The following ABCB9 variants were observed in gnomAD, a reference collection of about 807,000 sequenced individuals.
ABCB9 encodes ATP binding cassette subfamily B member 9, also known as ABC-type oligopeptide transporter ABCB9.
In ABCB9, 36 loss-of-function variants were observed where a neutral mutation model predicts 62.0. That is an observed-to-expected ratio of 0.58 (90% confidence interval 0.45 to 0.77). ABCB9 has a LOEUF of 0.77. ABCB9 is among the 30% of genes least tolerant of loss of function. ABCB9 has a pLI of 0.00. For missense variants in ABCB9, 943 were observed against 1,054.7 expected (o/e 0.89, Z 1.47); for synonymous variants, 435 against 461.4 (o/e 0.94, Z 0.73).
At chr12:122,923,356 C>T (rs2034798850) in intron 11 of ABCB9, among the ~76,000 whole-genome samples, 1 of 152,182 alleles carries the variant, frequency 6.6e-6, no homozygotes, top group African/African-American at 2.4e-5. Context: ...GGCGCGACCT[C>T]CACGCACTGC....
downstream of ABCB9, among the ~76,000 whole-genome samples, chr12:122,926,100 G>A (rs1255646531): frequency 6.6e-6 from 1 of 152,124 alleles, no homozygotes; most frequent in Non-Finnish European, 1.5e-5. Flanking sequence ...GAATTGGGGA[G>A]TGACTGTTAA....
intron 2 of ABCB9, among the ~76,000 whole-genome samples, chr12:122,956,289 T>C (rs887397770): frequency 3.3e-5 from 5 of 152,160 alleles, no homozygotes; most frequent in Non-Finnish European, 5.9e-5. Flanking sequence ...ACTATGCCCA[T>C]GTCACAGAAG....
intron 2 of ABCB9, among the ~76,000 whole-genome samples, chr12:122,958,502 T>C (rs761398416): frequency 1.8e-4 from 28 of 152,222 alleles, no homozygotes; most frequent in Admixed American, 4.6e-4. Context: ...TCTGGGTCCT[T>C]TTCCTGCAGT....
chr12:122,972,906 T>C (rs1291584642), intron 1 of ABCB9: 28 of 152,220 alleles, frequency 1.8e-4, no homozygotes, highest in Admixed American at 1.8e-3. Context: ...CATACACATA[T>C]ACATACGACT....
In ABCB9 at chr12:122,932,303, C is replaced by A. The variant is rs773334111; in HGVS notation, c.1929G>T (p.Leu643=). 1 of 1,551,230 alleles carries A rather than the reference C, an allele frequency of 6.4e-7. No individual in the cohort carries two copies. The highest frequency in any genetic ancestry group is 8.7e-7 in the Non-Finnish European group (1 of 1,147,024). Residue 643 remains leucine, a synonymous_variant, in exon 11 of 12, where the codon CTG becomes CTT. Coordinates refer to ENST00000280560, the MANE Select transcript of ABCB9 (RefSeq NM_019625.4). This position sits in a 1 kb window ranked among gnomAD's most constrained non-coding sequence, Gnocchi z 4.7. ...STETGEKGAQ[L]SGGQKQRVAM... ...CCACCCGCTGCTTCTGGCCACCTGACAGCTGGGCGCCCTTCTCCCCTGTCT... is the reference window on the plus strand; with the variant it reads ...CCACCCGCTGCTTCTGGCCACCTGAAAGCTGGGCGCCCTTCTCCCCTGTCT...
At chr12:122,949,957 C>A (rs951485498) in intron 3 of ABCB9, 39 bp from the exon 4 acceptor site, 2 of 1,612,312 alleles carry the variant, frequency 1.2e-6, no homozygotes, top group Non-Finnish European at 1.7e-6. Flanking sequence ...CGATGTCCTT[C>A]CAGACCAGTG....
chr12:122,950,743 T>C, intron 2 of ABCB9, 178 bp from the exon 3 acceptor site: 1 of 573,486 alleles, frequency 1.7e-6, no homozygotes, highest in East Asian at 2.8e-5. Context: ...GCCCCCCTCC[T>C]CAGAGAACAG....
Position 122,930,001 on chromosome 12 carries a change from C to G in ABCB9, c.2211G>C (p.Leu737=). 2.5e-6 allele frequency: 4 copies of G among 1,576,568 alleles called. No individual in the cohort carries two copies. The highest frequency in any genetic ancestry group is 3.4e-6 in the Non-Finnish European group (4 of 1,163,296). Reference sequence around the variant, plus strand: ...GAAGCCCCAGCATCTGCCGCTGCACCAGCTTGGCGTAGAGGCCGCCCTGGG... The same window carrying G: ...GAAGCCCCAGCATCTGCCGCTGCACGAGCTTGGCGTAGAGGCCGCCCTGGG... ...LLAQGGLYAK[L]VQRQMLGLQP... The change falls in exon 12 of 12, where the codon CTG becomes CTC. Residue 737 remains leucine (L), a synonymous_variant. Transcript: ENST00000280560. The surrounding 1 kb of genome is among the most constrained non-coding windows in gnomAD (Gnocchi z 4.9).
Position 122,935,351 on chromosome 12 carries a change from A to G in ABCB9, c.1824T>C (p.Pro608=). 6.2e-7 allele frequency: 1 copy of G among 1,614,108 alleles called. No individual in the cohort carries two copies. Among genetic ancestry groups the G allele is most frequent in the Non-Finnish European group, 8.5e-7 (1 of 1,179,998 alleles). The change falls in exon 10 of 12, where the codon CCT becomes CCC. Residue 608 remains proline, a synonymous_variant. Transcript: ENST00000280560. ...GTGCGGCCTCCACCACCATCTCGAA[A>G]GGCACAGTGGGCAGGCCGTAGGAGA... ...DNISYGLPTV[P]FEMVVEAAQK...
At chr12:122,962,031 A>G (rs2036933373) in intron 1 of ABCB9, among the ~76,000 whole-genome samples, 1 of 152,254 alleles carries the variant, frequency 6.6e-6, no homozygotes, top group Admixed American at 6.5e-5. Context: ...ACAGCAATCC[A>G]GAAACCTTGG....
Position 122,930,331 on chromosome 12 carries a change from C to A in ABCB9, c.2041-160G>T, listed in dbSNP as rs892677319. On this transcript the variant is annotated intron_variant, in intron 11 of 11. Transcript: ENST00000280560. This position sits in a 1 kb window ranked among gnomAD's most constrained non-coding sequence, Gnocchi z 4.9. ...TTTCTTAAAGGGAGACAGCTCAGGG[C>A]CAGACACAATGAGGCACCTGGTGAA... is the stretch of plus-strand genomic sequence containing the variant. Among the ~76,000 whole-genome samples the A allele has an allele frequency of 6.6e-6, 1 of 151,988 alleles. No homozygotes were observed. Among genetic ancestry groups the A allele is most frequent in the Non-Finnish European group, 1.5e-5 (1 of 67,982 alleles).
intron 10 of ABCB9, among the ~76,000 whole-genome samples, chr12:122,934,033 C>T (rs1160382777): frequency 6.6e-6 from 1 of 152,162 alleles, no homozygotes; most frequent in Admixed American, 6.6e-5. Context: ...CACCTGAGGT[C>T]AGGAGTTCAA....
chr12:122,925,062 G>A (rs2034854729), downstream of ABCB9, among the ~76,000 whole-genome samples: 1 of 152,118 alleles, frequency 6.6e-6, no homozygotes, highest in African/African-American at 2.4e-5. Flanking sequence ...GACCACAGGT[G>A]TGTGCCACCA....
chr12:122,948,599 C>T (rs776387679), intron 5 of ABCB9, 25 bp downstream of exon 5: 3 of 1,590,436 alleles, frequency 1.9e-6, no homozygotes, highest in Non-Finnish European at 2.6e-6. Flanking sequence ...GTGCACAGTC[C>T]CCAGCAGAGA....
intron 1 of ABCB9, among the ~76,000 whole-genome samples, chr12:122,973,608 A>C (rs1163918232): frequency 9.8e-5 from 13 of 132,996 alleles, no homozygotes; most frequent in African/African-American, 3.8e-4. Context: ...AAAAAAAAAA[A>C]ACAAAAACTT....
chr12:122,960,167 G>A lies in ABCB9; in HGVS notation c.69C>T (p.Ala23=). The A allele has an allele frequency of 6.2e-7, 1 of 1,613,648 alleles. No homozygotes were observed. Among genetic ancestry groups the A allele is most frequent in the Non-Finnish European group, 8.5e-7 (1 of 1,180,026 alleles). ...FMSVDICVTT[A]IYVFSHLDRS... ...GGTCCAGGTGGCTGAAGACATAGATGGCCGTGGTCACGCAGATGTCCACAC... is the reference window on the plus strand; with the variant it reads ...GGTCCAGGTGGCTGAAGACATAGATAGCCGTGGTCACGCAGATGTCCACAC... The change falls in exon 2 of 12, where the codon GCC becomes GCT. Residue 23 remains alanine (A), a synonymous_variant. Transcript: ENST00000280560.
At chr12:122,921,133 G>T in intron 11 of ABCB9, 1 of 1,383,974 alleles carries the variant, frequency 7.2e-7, no homozygotes, top group Non-Finnish European at 9.9e-7. Context: ...TAAAATGGTT[G>T]GCTGGGCGTG....
intron 9 of ABCB9, chr12:122,939,855 G>T (rs770037824): frequency 6.8e-5 from 29 of 427,970 alleles, no homozygotes; most frequent in Non-Finnish European, 1.0e-4. Context: ...TAATAGAGAC[G>T]GAGTCTCACT....
At chr12:122,971,181 G>A (rs995459758), upstream of ABCB9, among the ~76,000 whole-genome samples, 7 of 151,702 alleles carry the variant, frequency 4.6e-5, no homozygotes, top group African/African-American at 1.7e-4. Flanking sequence ...TCAGGAGTTC[G>A]AGACCAGCCT....
Sources: gnomAD v4.1 joint callset for allele counts (sites outside exome capture counted in the v4.1 genomes callset) on GRCh38, gnomAD v4.1.1 for gene constraint, Gnocchi (gnomAD v3.1) non-coding constraint, MANE v1.5 for transcripts, NCBI Gene and HGNC (gene_info 2026-07-23, HGNC 2026-07-21) for gene names.